Variants in TENM3 observed in about 807,000 individuals in gnomAD.
TENM3 encodes the protein teneurin-3.
TENM3 carries 63 observed loss-of-function variants against 255.1 expected under a neutral mutation model. The ratio of observed to expected loss-of-function variants is 0.25; its 90% CI spans 0.20 to 0.30. TENM3 has a LOEUF of 0.30. Among genes scored for constraint, TENM3 ranks in the 10% least tolerant of loss-of-function variants. The probability of loss-of-function intolerance (pLI) is 1.00; values close to 1 mark genes in which losing one functional copy is unlikely to be tolerated. For synonymous variants in TENM3, 1,306 were observed against 1,322.3 expected (o/e 0.99, Z 0.27); for missense variants, 2,929 against 3,461.1 (o/e 0.85, Z 3.86).
chr4:181,888,631 G>A, the TENM3 span, among the ~76,000 whole-genome samples: 4 of 124,262 alleles, frequency 3.2e-5, 1 homozygote, highest in Non-Finnish European at 6.9e-5. Context: ...AAGAGAGAGA[G>A]AGAGAGACTT....
chr4:182,312,348 C>T (rs906783437), intron 1 of TENM3, among the ~76,000 whole-genome samples: 9 of 151,946 alleles, frequency 5.9e-5, no homozygotes, highest in Non-Finnish European at 1.0e-4. Flanking sequence ...GGCAGCAGAG[C>T]GAGACCCTGT....
At chr4:181,930,518 G>A in the TENM3 span, among the ~76,000 whole-genome samples, 35 of 152,032 alleles carry the variant, frequency 2.3e-4, 1 homozygote, top group Admixed American at 2.3e-3. Flanking sequence ...AATTGAGGCA[G>A]TAATTAGTAG....
the TENM3 span, among the ~76,000 whole-genome samples, chr4:181,570,045 T>C: frequency 6.8e-6 from 1 of 147,214 alleles, no homozygotes; most frequent in African/African-American, 2.5e-5. Context: ...CTTTTTTTTT[T>C]TTTTTTTTTT....
At chr4:182,244,394 T>C (rs1757512799) in intron 1 of TENM3, among the ~76,000 whole-genome samples, 1 of 152,234 alleles carries the variant, frequency 6.6e-6, no homozygotes, top group Non-Finnish European at 1.5e-5. Context: ...GGTAGAATTA[T>C]TGGAACCAGC....
At chr4:181,957,251 T>C in the TENM3 span, among the ~76,000 whole-genome samples, 1 of 152,206 alleles carries the variant, frequency 6.6e-6, no homozygotes. Context: ...GACATTACTG[T>C]GTACAATGGG....
At chr4:182,461,459 A>G (rs369847590) in intron 3 of TENM3, among the ~76,000 whole-genome samples, 93 of 152,364 alleles carry the variant, frequency 6.1e-4, no homozygotes, top group African/African-American at 2.2e-3. Context: ...GGTTGGAACC[A>G]GAACATGGAG....
At chr4:182,693,685 A>G (rs953345128) in intron 12 of TENM3, among the ~76,000 whole-genome samples, 15 of 152,338 alleles carry the variant, frequency 9.8e-5, no homozygotes, top group African/African-American at 2.6e-4. Flanking sequence ...ATTTTGAAGC[A>G]GAATAATGTT....
At chr4:182,219,082 C>T (rs1317896265) in intron 1 of TENM3, among the ~76,000 whole-genome samples, 3 of 152,014 alleles carry the variant, frequency 2.0e-5, no homozygotes, top group South Asian at 2.1e-4. Context: ...ATTAACTGGG[C>T]GTGGTGGCGG....
upstream of TENM3, chr4:182,141,283 T>A (rs2149533666): frequency 2.0e-5 from 3 of 152,312 alleles, no homozygotes; most frequent in South Asian, 6.2e-4. Context: ...CCCGCTCCAG[T>A]TTTTATTGCT....
At position 182,568,763 on chromosome 4, in the gene TENM3, G is replaced by A. The variant is rs573385731; in HGVS notation, c.512-32161G>A. Among the ~76,000 whole-genome samples, 3 of 152,218 alleles carry A rather than the reference G, an allele frequency of 2.0e-5. No individual in the cohort carries two copies. The South Asian group carries it at 6.2e-4, about 32-fold the overall frequency. On this transcript the variant is annotated intron_variant, in intron 3 of 27. Transcript: ENST00000511685. ...GTCCATCAGTAGGAGAAGGGATTGT[G>A]ATATATTCATTCAATGGAATAATAT...
the TENM3 span, among the ~76,000 whole-genome samples, chr4:181,901,876 T>C: frequency 1.3e-5 from 2 of 151,850 alleles, no homozygotes; most frequent in East Asian, 3.9e-4. Context: ...CATCCTTCAT[T>C]CCCCCCCACC....
chr4:182,425,768 C>T (rs574055999), intron 3 of TENM3, among the ~76,000 whole-genome samples: 94 of 152,222 alleles, frequency 6.2e-4, no homozygotes, highest in African/African-American at 2.2e-3. Flanking sequence ...CCAGCGCTTT[C>T]GGAGGCCGAG....
At position 182,224,982 on chromosome 4, in the gene TENM3, T is replaced by G. The variant is rs541732725; in HGVS notation, c.-76+80228T>G. ...CTCCTGATCTCGTGATCTGCCCACC[T>G]TGGCCTCCCAAAGTGCTGGGACTAC... On this transcript the variant is annotated intron_variant, in intron 1 of 2. Transcript: ENST00000512480. 4.7e-3 allele frequency among the ~76,000 whole-genome samples: 708 copies of G among 152,248 alleles called. 1 individual carries two copies. Among genetic ancestry groups the G allele is most frequent in the Non-Finnish European group, 8.4e-3 (573 of 68,014 alleles).
chr4:182,382,729 G>A (rs1767656821), intron 3 of TENM3, among the ~76,000 whole-genome samples: 1 of 152,158 alleles, frequency 6.6e-6, no homozygotes, highest in African/African-American at 2.4e-5. Flanking sequence ...TGAAAGGCAG[G>A]CAGAGGTCGA....
chr4:181,605,482 GAAA>G, the TENM3 span, among the ~76,000 whole-genome samples: 1 of 6,836 alleles, frequency 1.5e-4, no homozygotes, highest in African/African-American at 4.7e-4. Context: ...GAGAAACAGA[GAAA>G]GAAAGAAAGA....
Position 182,625,541 on chromosome 4 carries a change from G to A in TENM3, c.750-3110G>A, listed in dbSNP as rs2152462985. The stretch of plus-strand genomic sequence containing the variant: ...GTCTTCCACGAAACCGGTCCCTGGT[G>A]CCAAAAACGTTGGGGACCGCTGCAG... On this transcript the variant is annotated intron_variant, in intron 4 of 27. Transcript: ENST00000511685. Among the ~76,000 whole-genome samples the A allele has an allele frequency of 2.0e-5, 3 of 152,254 alleles. No individual in the cohort carries two copies. In the Middle Eastern group the frequency reaches 0.01, roughly 518 times the overall value.
At position 182,355,911 on chromosome 4, in the gene TENM3, T is replaced by TTA. The variant is rs112990350; in HGVS notation, c.511+8996_511+8997dup. On this transcript the variant is annotated intron_variant, in intron 3 of 27. Transcript: ENST00000511685. ...AATTTATTAGCCAATTATATATATA[T>TTA]TATATATATATATATGAAATTCAAT... is the stretch of plus-strand genomic sequence containing the variant. Among the ~76,000 whole-genome samples, 183 of 147,966 alleles carry TTA rather than the reference T, an allele frequency of 1.2e-3. 1 individual carries two copies. The highest frequency in any genetic ancestry group is 3.2e-3 in the African/African-American group (132 of 40,638).
In TENM3 at chr4:182,751,968, G is replaced by A. The variant is rs537485392; in HGVS notation, c.3798G>A (p.Pro1266=). The change falls in exon 20 of 28, where the codon CCG becomes CCA. Residue 1266 remains proline (P), a synonymous_variant. Coordinates refer to ENST00000511685, the MANE Select transcript of TENM3 (RefSeq NM_001080477.4). ...CAGGGACAGGGGAGCAATGCCTTCC[G>A]TTTGACGAGGCGAGATGTGGGGATG... ...VVAGTGEQCL[P]FDEARCGDGG... 1.9e-5 allele frequency: 30 copies of A among 1,613,366 alleles called. No individual in the cohort carries two copies. The highest frequency in any genetic ancestry group is 2.2e-5 in the East Asian group (1 of 44,856).
the TENM3 span, among the ~76,000 whole-genome samples, chr4:181,780,029 T>G: frequency 6.6e-6 from 1 of 152,204 alleles, no homozygotes; most frequent in Admixed American, 6.5e-5. Flanking sequence ...CTTAATCCAG[T>G]CTATCATTGA....
Sources: allele counts gnomAD v4.1 joint callset (sites outside exome capture counted in the v4.1 genomes callset), GRCh38; gene constraint gnomAD v4.1.1; transcripts MANE v1.5; gene names NCBI Gene and HGNC (gene_info 2026-07-23, HGNC 2026-07-21).